Variants in UTRN observed in about 807,000 individuals in gnomAD.
UTRN encodes utrophin.
In UTRN, 283 loss-of-function variants were observed where a neutral mutation model predicts 463.9. The ratio of observed to expected loss-of-function variants is 0.61; its 90% CI spans 0.55 to 0.67. The LOEUF (loss-of-function observed/expected upper bound fraction) is 0.67, where lower values mean the gene tolerates loss of function less well. UTRN is among the 30% of genes least tolerant of loss of function. The pLI is 0.00. For missense variants in UTRN, 3,922 were observed against 4,084.3 expected, an observed-to-expected ratio of 0.96 and a Z score of 1.08; for synonymous variants, 1,442 against 1,431.5, an observed-to-expected ratio of 1.01 and a Z score of -0.17.
Position 144,407,672 on chromosome 6 carries a change from T to G in UTRN, c.141+4488T>G, listed in dbSNP as rs541096877. Among the ~76,000 whole-genome samples, 3 of 152,350 alleles carry G rather than the reference T, an allele frequency of 2.0e-5. No homozygotes were observed. In the South Asian group the frequency reaches 6.2e-4, roughly 32 times the overall value. ...ATTCTTTTCTTGATAAGGGATTTGG[T>G]AAAGAACTTGAGAATAATATCAGTC... On this transcript the variant is annotated intron_variant, in intron 3 of 74. Coordinates refer to ENST00000367545, the MANE Select transcript of UTRN (RefSeq NM_007124.3).
At chr6:144,410,313 A>T (rs1364034295) in intron 3 of UTRN, among the ~76,000 whole-genome samples, 1 of 152,144 alleles carries the variant, frequency 6.6e-6, no homozygotes, top group Non-Finnish European at 1.5e-5. Flanking sequence ...TTTCTACTGT[A>T]TTGCCAGTTG....
At chr6:144,301,905 G>A (rs1301991338) in intron 2 of UTRN, among the ~76,000 whole-genome samples, 1 of 152,002 alleles carries the variant, frequency 6.6e-6, no homozygotes, top group African/African-American at 2.4e-5. Context: ...GGAGGCAGAG[G>A]GCACCAGGTG....
intron 50 of UTRN, among the ~76,000 whole-genome samples, chr6:144,571,997 G>A (rs540933471): frequency 1.3e-4 from 20 of 152,202 alleles, no homozygotes; most frequent in Admixed American, 3.3e-4. Context: ...TGGAAGTTTT[G>A]TGTTATTCGT....
intron 2 of UTRN, among the ~76,000 whole-genome samples, chr6:144,308,144 T>A (rs1805917403): frequency 6.6e-6 from 1 of 152,196 alleles, no homozygotes; most frequent in Admixed American, 6.5e-5. Context: ...TCAGTGAGTT[T>A]AGCTCTGTCA....
intron 54 of UTRN, among the ~76,000 whole-genome samples, chr6:144,733,137 T>G (rs1032333796): frequency 3.9e-5 from 6 of 152,240 alleles, no homozygotes; most frequent in Admixed American, 2.0e-4. Context: ...ACTCTGAAGA[T>G]ATCATTTGCT....
intron 41 of UTRN, among the ~76,000 whole-genome samples, chr6:144,529,293 G>A (rs898149033): frequency 2.0e-5 from 3 of 152,134 alleles, no homozygotes; most frequent in Non-Finnish European, 2.9e-5. Flanking sequence ...CCAGTTCCTC[G>A]GCTCTCCCAT....
At position 144,433,645 on chromosome 6, in the gene UTRN, C is replaced by T. The variant is rs1334751769; in HGVS notation, c.856-2290C>T. 1.9e-4 allele frequency among the ~76,000 whole-genome samples: 26 copies of T among 138,682 alleles called. No individual in the cohort carries two copies. The South Asian group carries it at 2.4e-3, about 13-fold the overall frequency. 91.0% of individuals were successfully genotyped at this position (138,682 alleles called of 152,430 possible). A position where few individuals can be genotyped will look rare whatever the true frequency, so the allele number is the denominator to read the frequency against. ...CTCAGACGGGGCGGCCGGGCAGAGACGCTCCTCACCTCCCAGACGGGGTCG... is the reference window on the plus strand; with the variant it reads ...CTCAGACGGGGCGGCCGGGCAGAGATGCTCCTCACCTCCCAGACGGGGTCG... On this transcript the variant is annotated intron_variant, in intron 9 of 74. Transcript: ENST00000367545.
At chr6:144,743,374 CAT>C (rs1333046232) in intron 54 of UTRN, among the ~76,000 whole-genome samples, 22 of 152,122 alleles carry the variant, frequency 1.4e-4, no homozygotes, top group African/African-American at 5.1e-4. Flanking sequence ...ATGGGAGAAA[CAT>C]AGTTTCATTT....
intron 12 of UTRN, among the ~76,000 whole-genome samples, chr6:144,439,513 G>A (rs1436338444): frequency 1.3e-5 from 2 of 150,690 alleles, no homozygotes; most frequent in Admixed American, 1.3e-4. Flanking sequence ...TTTTTTTTGA[G>A]ATGGAGTCTT....
Position 144,451,481 on chromosome 6 carries a change from A to G in UTRN, c.2184A>G (p.Lys728=). 2 of 1,610,002 alleles carry G rather than the reference A, an allele frequency of 1.2e-6. No individual in the cohort carries two copies. Among genetic ancestry groups the G allele is most frequent in the Non-Finnish European group, 8.5e-7 (1 of 1,179,002 alleles). Residue 728 remains lysine, a synonymous_variant, in exon 18 of 75, where the codon AAA becomes AAG. Transcript: ENST00000367545. ...YMKMQDTSEM[K]KKLKALEKEQ... ...AGATGCAAGACACTTCCGAAATGAA[A>G]AAGAAGTTGAAGGTAAAAAACATAA... is the stretch of plus-strand genomic sequence containing the variant.
Position 144,531,229 on chromosome 6 carries a change from G to T in UTRN, c.6057+27G>T, listed in dbSNP as rs1366623188. The T allele has an allele frequency of 6.8e-6, 11 of 1,612,036 alleles. No individual in the cohort carries two copies. In the East Asian group the frequency reaches 2.2e-4, roughly 33 times the overall value. ...TGAGTGCTTTCTGTTAGAGGAGGGG[G>T]ACTGCACATATGGTTAGTGTATGCC... On this transcript the variant is annotated intron_variant, in intron 42 of 74. Transcript: ENST00000367545.
chr6:144,636,605 CAAAG>C (rs1395639068), intron 51 of UTRN, among the ~76,000 whole-genome samples: 1 of 152,054 alleles, frequency 6.6e-6, no homozygotes, highest in Admixed American at 6.5e-5. Flanking sequence ...ATGAAGATAA[CAAAG>C]AAGATAGATT....
chr6:144,340,737 T>C (rs1777080517), intron 2 of UTRN, among the ~76,000 whole-genome samples: 1 of 152,222 alleles, frequency 6.6e-6, no homozygotes. Context: ...AAATGGTCTA[T>C]TGATTTCACA....
Position 144,493,485 on chromosome 6 carries a change from C to G in UTRN, c.4593+29C>G, listed in dbSNP as rs375877665. The G allele has an allele frequency of 6.3e-6, 10 of 1,592,878 alleles. No individual in the cohort carries two copies. The African/African-American group carries it at 1.1e-4, about 17-fold the overall frequency. ...AGGAGAGCAGCCCCACAGCTCATCT[C>G]TCTGTCTCTCTCTCTCTCTCTCTCA... On this transcript the variant is annotated intron_variant, in intron 33 of 74. Coordinates refer to ENST00000367545, the MANE Select transcript of UTRN (RefSeq NM_007124.3).
chr6:144,824,608 ATAT>A (rs1779970133), intron 66 of UTRN, among the ~76,000 whole-genome samples: 2 of 44,536 alleles, frequency 4.5e-5, no homozygotes, highest in Non-Finnish European at 7.1e-5. Context: ...ATATATATAT[ATAT>A]ATCTTTTTTT....
intron 3 of UTRN, among the ~76,000 whole-genome samples, chr6:144,413,044 T>C (rs1784057382): frequency 6.6e-6 from 1 of 152,168 alleles, no homozygotes; most frequent in South Asian, 2.1e-4. Flanking sequence ...AGATTCTGTC[T>C]CCCTGCTGTA....
intron 52 of UTRN, among the ~76,000 whole-genome samples, chr6:144,690,895 T>C (rs1039571810): frequency 2.0e-5 from 3 of 152,178 alleles, no homozygotes; most frequent in African/African-American, 4.8e-5. Flanking sequence ...GCTCATGATA[T>C]ACACTGCAGC....
At chr6:144,715,105 C>T (rs893841759) in intron 53 of UTRN, among the ~76,000 whole-genome samples, 3 of 152,170 alleles carry the variant, frequency 2.0e-5, no homozygotes, top group South Asian at 2.1e-4. Context: ...TACATGTCAT[C>T]TCTACTTGAG....
At chr6:144,591,248 G>A (rs1803036293) in intron 51 of UTRN, among the ~76,000 whole-genome samples, 1 of 152,088 alleles carries the variant, frequency 6.6e-6, no homozygotes, top group African/African-American at 2.4e-5. Context: ...GATGCACCCT[G>A]GTCACCCCAC....
Sources: allele counts gnomAD v4.1 joint callset (sites outside exome capture counted in the v4.1 genomes callset), GRCh38; gene constraint gnomAD v4.1.1; transcripts MANE v1.5; gene names NCBI Gene and HGNC (gene_info 2026-07-23, HGNC 2026-07-21).